The following KCTD16 variants were observed in gnomAD, a reference collection of about 807,000 sequenced individuals.
KCTD16 encodes potassium channel tetramerization domain containing 16, also known as BTB/POZ domain-containing protein KCTD16.
In KCTD16, 13 loss-of-function variants were observed where a neutral mutation model predicts 33.2. The observed-to-expected ratio is 0.39, with a 90% CI of 0.25 to 0.62. The LOEUF (loss-of-function observed/expected upper bound fraction) is 0.62, where lower values mean the gene tolerates loss of function less well. KCTD16 is among the 20% of genes least tolerant of loss of function. KCTD16 has a pLI of 0.50. For synonymous variants in KCTD16, 197 were observed against 195.3 expected (o/e 1.01, Z -0.07); for missense variants, 441 against 525.1 (o/e 0.84, Z 1.57).
At chr5:144,348,973 C>T (rs569619529) in intron 3 of KCTD16, among the ~76,000 whole-genome samples, 117 of 152,180 alleles carry the variant, frequency 7.7e-4, no homozygotes, top group South Asian at 5.0e-3. Context: ...AAGGCAAAAA[C>T]GGGCCTGTGT....
intron 3 of KCTD16, among the ~76,000 whole-genome samples, chr5:144,343,949 C>T (rs1335178280): frequency 6.6e-6 from 1 of 152,156 alleles, no homozygotes; most frequent in African/African-American, 2.4e-5. Context: ...CGCTACCTGA[C>T]TTCAAACTAT....
intron 3 of KCTD16, among the ~76,000 whole-genome samples, chr5:144,471,084 G>A (rs111463286): frequency 4.6e-5 from 7 of 152,312 alleles, no homozygotes; most frequent in Non-Finnish European, 8.8e-5. Flanking sequence ...AGAGGCTGAG[G>A]CAGGAGAATC....
chr5:144,293,080 T>C (rs1755939064), intron 3 of KCTD16, among the ~76,000 whole-genome samples: 1 of 152,216 alleles, frequency 6.6e-6, no homozygotes, highest in Admixed American at 6.5e-5. Context: ...TACTGAACTT[T>C]GCTTCCCTCA....
At chr5:144,373,078 G>C (rs2126925199) in intron 3 of KCTD16, among the ~76,000 whole-genome samples, 1 of 152,290 alleles carries the variant, frequency 6.6e-6, no homozygotes. Flanking sequence ...TGGAATGTGG[G>C]ATGTCAAGAG....
intron 3 of KCTD16, among the ~76,000 whole-genome samples, chr5:144,303,678 A>G (rs1580857957): frequency 6.6e-6 from 1 of 150,956 alleles, no homozygotes; most frequent in East Asian, 2.0e-4. Context: ...AACAACAAAT[A>G]TGATAATGCA....
intron 3 of KCTD16, among the ~76,000 whole-genome samples, chr5:144,288,217 A>C (rs1220914725): frequency 6.6e-6 from 1 of 152,222 alleles, no homozygotes; most frequent in Non-Finnish European, 1.5e-5. Flanking sequence ...GCTTGGGGAC[A>C]GAAAAGAGTG....
chr5:144,420,587 A>G (rs550141026), intron 3 of KCTD16, among the ~76,000 whole-genome samples: 1 of 152,122 alleles, frequency 6.6e-6, no homozygotes, highest in East Asian at 1.9e-4. Flanking sequence ...GAACAACTGT[A>G]CTTTTTTTAT....
chr5:144,410,287 T>C (rs1180289333), intron 3 of KCTD16, among the ~76,000 whole-genome samples: 3 of 152,150 alleles, frequency 2.0e-5, no homozygotes, highest in African/African-American at 7.2e-5. Flanking sequence ...ATAGGATACA[T>C]TGTTTGGTTT....
At chr5:144,189,755 TC>T (rs1360876627) in intron 2 of KCTD16, among the ~76,000 whole-genome samples, 3 of 152,224 alleles carry the variant, frequency 2.0e-5, no homozygotes, top group African/African-American at 7.2e-5. Context: ...GCATTTTTCC[TC>T]TTTTCCCTTA....
intron 3 of KCTD16, among the ~76,000 whole-genome samples, chr5:144,374,870 T>G (rs2126926491): frequency 6.6e-6 from 1 of 152,312 alleles, no homozygotes; most frequent in African/African-American, 2.4e-5. Flanking sequence ...CAGGTTTGTT[T>G]CAGTTCCATT....
At chr5:144,267,079 A>G (rs1755166228) in intron 3 of KCTD16, among the ~76,000 whole-genome samples, 1 of 152,218 alleles carries the variant, frequency 6.6e-6, no homozygotes, top group East Asian at 1.9e-4. Flanking sequence ...AGGTGAAATC[A>G]GCAGAAAAAT....
rs1313255355 is a variant in KCTD16, at chr5:144,477,189, A to G, written c.*3075A>G. 1 of 152,138 alleles carries G rather than the reference A, an allele frequency of 6.6e-6. No individual in the cohort carries two copies. Among genetic ancestry groups the G allele is most frequent in the Non-Finnish European group, 1.5e-5 (1 of 68,006 alleles). 9.4% of individuals were successfully genotyped at this position (152,138 alleles called of 1,614,324 possible). ...AAGGGGAAGACAGGAATGTAAAACT[A>G]CTAGATCATATGGTATTGTGATTTT... On this transcript the variant is annotated 3_prime_UTR_variant, in exon 4 of 4. Coordinates refer to ENST00000512467, the MANE Select transcript of KCTD16 (RefSeq NM_020768.4).
intron 3 of KCTD16, among the ~76,000 whole-genome samples, chr5:144,366,322 C>T (rs1447987858): frequency 1.3e-5 from 2 of 152,142 alleles, no homozygotes; most frequent in African/African-American, 4.8e-5. Flanking sequence ...ATCTGTGGAT[C>T]CCAAAGAGGG....
At chr5:144,260,107 A>G (rs533354747) in intron 3 of KCTD16, among the ~76,000 whole-genome samples, 1 of 152,382 alleles carries the variant, frequency 6.6e-6, no homozygotes, top group South Asian at 2.1e-4. Context: ...AAGGGAAATA[A>G]GAGATAGAGC....
At chr5:144,325,167 T>A (rs1752173268) in intron 3 of KCTD16, among the ~76,000 whole-genome samples, 1 of 152,070 alleles carries the variant, frequency 6.6e-6, no homozygotes, top group Admixed American at 6.6e-5. Context: ...CCTCTGATTA[T>A]TTGGACAAAA....
intron 3 of KCTD16, among the ~76,000 whole-genome samples, chr5:144,432,969 C>G (rs1300199842): frequency 6.6e-6 from 1 of 151,998 alleles, no homozygotes; most frequent in Admixed American, 6.6e-5. Flanking sequence ...AAATTATTTC[C>G]ATTTTACTCA....
At chr5:144,328,076 C>T (rs899372849) in intron 3 of KCTD16, among the ~76,000 whole-genome samples, 3 of 152,126 alleles carry the variant, frequency 2.0e-5, no homozygotes, top group Admixed American at 2.0e-4. Flanking sequence ...TTTCTCTCCT[C>T]ACTTAGAAAG....
intron 3 of KCTD16, among the ~76,000 whole-genome samples, chr5:144,420,725 T>A (rs1269307968): frequency 6.6e-6 from 1 of 152,068 alleles, no homozygotes; most frequent in East Asian, 1.9e-4. Context: ...TTGCTTTATC[T>A]CTGATAAAAC....
intron 3 of KCTD16, among the ~76,000 whole-genome samples, chr5:144,399,136 T>G (rs1004396114): frequency 1.3e-5 from 2 of 152,170 alleles, no homozygotes; most frequent in Non-Finnish European, 2.9e-5. Context: ...ATCTGAAGAT[T>G]AAAGCAAAAC....
Sources: allele counts gnomAD v4.1 joint callset (sites outside exome capture counted in the v4.1 genomes callset), GRCh38; gene constraint gnomAD v4.1.1; transcripts MANE v1.5; gene names NCBI Gene and HGNC (gene_info 2026-07-23, HGNC 2026-07-21).